Variants in RALGAPA1 observed in about 807,000 individuals in gnomAD.
RALGAPA1 encodes the protein Ral GTPase activating protein catalytic subunit alpha 1.
Under a neutral mutation model 269.6 loss-of-function variants are expected in RALGAPA1, and 52 were observed. The ratio of observed to expected loss-of-function variants is 0.19; its 90% confidence interval spans 0.15 to 0.24. The LOEUF is 0.24. RALGAPA1 is among the 10% of genes least tolerant of loss of function. RALGAPA1 has a pLI of 1.00. For synonymous variants in RALGAPA1, 817 were observed against 1,008.3 expected (o/e 0.81, Z 3.60); for missense variants, 1,917 against 3,013.9 (o/e 0.64, Z 8.52).
chr14:35,742,792 CTAAA>C (rs1266845949), intron 10 of RALGAPA1, among the ~76,000 whole-genome samples: 5 of 150,234 alleles, frequency 3.3e-5, no homozygotes, highest in African/African-American at 9.8e-5. Context: ...CACCAAACTT[CTAAA>C]TAGAGACCAC....
At chr14:35,738,476 T>C (rs1363996110) in intron 12 of RALGAPA1, 37 bp downstream of exon 12, 2 of 1,475,146 alleles carry the variant, frequency 1.4e-6, no homozygotes, top group Non-Finnish European at 1.8e-6. Flanking sequence ...TATTTAATGA[T>C]TATTTTATTT....
rs1233958353 is a variant in RALGAPA1 at position 35,538,461 on chromosome 14, T to C, written c.*1253A>G. 6.6e-6 allele frequency: 1 copy of C among 152,666 alleles called. No individual in the cohort carries two copies. Among genetic ancestry groups the C allele is most frequent in the Non-Finnish European group, 1.5e-5 (1 of 68,042 alleles). 9.5% of individuals were successfully genotyped at this position (152,666 alleles called of 1,614,324 possible). A position where few individuals can be genotyped will look rare whatever the true frequency, so the allele number is the denominator to read the frequency against. On this transcript the variant is annotated 3_prime_UTR_variant, in exon 42 of 42. Coordinates refer to ENST00000680220, the MANE Select transcript of RALGAPA1 (RefSeq NM_001346249.2). ...TACATGAATGATGATACATAATTTA[T>C]ATTTTACGGTTTGCCAGTATGATGT...
intron 39 of RALGAPA1, among the ~76,000 whole-genome samples, chr14:35,566,884 T>TA (rs2056758883): frequency 7.0e-6 from 1 of 143,140 alleles, no homozygotes; most frequent in African/African-American, 2.7e-5. Context: ...TATATATATA[T>TA]TTGTACTATA....
chr14:35,742,895 C>T (rs936088436), intron 10 of RALGAPA1, among the ~76,000 whole-genome samples: 2 of 151,934 alleles, frequency 1.3e-5, no homozygotes, highest in African/African-American at 4.8e-5. Flanking sequence ...AATTAATTAC[C>T]CAAATATTCT....
chr14:35,624,553 T>C (rs1253881843), intron 35 of RALGAPA1, among the ~76,000 whole-genome samples: 1 of 151,114 alleles, frequency 6.6e-6, no homozygotes. Context: ...TTGAAGACGA[T>C]CCTGAAGCAG....
In RALGAPA1 at chr14:35,627,347, T is replaced by C; in HGVS notation, c.6600A>G (p.Glu2200=). Residue 2200 remains glutamate, a synonymous_variant, in exon 34 of 42, where the codon GAA becomes GAG. Transcript: ENST00000680220. ...GTGAGATTCCAGTTCTCTGTAAGCA[T>C]TCAGGACTAGTAACACCCAAATACT... The part of the protein sequence containing the change: ...LLQYLGVTSP[E]CLQRTGISLN... 1 of 1,613,550 alleles carries C rather than the reference T, an allele frequency of 6.2e-7. No homozygotes were observed. Among genetic ancestry groups the C allele is most frequent in the Non-Finnish European group, 8.5e-7 (1 of 1,179,908 alleles).
intron 1 of RALGAPA1, among the ~76,000 whole-genome samples, chr14:35,785,828 G>A (rs1003989853): frequency 4.2e-4 from 64 of 152,272 alleles, no homozygotes; most frequent in African/African-American, 1.5e-3. Flanking sequence ...ATAACAGTCA[G>A]TAAACTAGTA....
At chr14:35,770,130 C>G (rs997581129) in intron 4 of RALGAPA1, among the ~76,000 whole-genome samples, 11 of 152,016 alleles carry the variant, frequency 7.2e-5, no homozygotes, top group Non-Finnish European at 1.5e-4. Flanking sequence ...TAGTAAAATA[C>G]ATAATATTAA....
chr14:35,714,093 TA>T (rs1269103441), intron 16 of RALGAPA1, among the ~76,000 whole-genome samples: 1,690 of 130,054 alleles, frequency 0.013, 9 homozygotes, highest in African/African-American at 0.032. Context: ...AGACTCCGTC[TA>T]AAAAAAAAAA....
intron 26 of RALGAPA1, 89 bp downstream of exon 26, chr14:35,671,300 C>G: frequency 8.2e-7 from 1 of 1,221,964 alleles, no homozygotes; most frequent in Non-Finnish European, 1.1e-6. Context: ...GCAAAATTTC[C>G]TGATTATCAG....
chr14:35,594,711 C>T (rs1176009049), intron 37 of RALGAPA1, among the ~76,000 whole-genome samples: 1 of 138,398 alleles, frequency 7.2e-6, no homozygotes, highest in Non-Finnish European at 1.5e-5. Flanking sequence ...GTAGACTGTA[C>T]AGCAATTATG....
At chr14:35,796,934 C>T (rs1478107970) in intron 1 of RALGAPA1, among the ~76,000 whole-genome samples, 1 of 151,940 alleles carries the variant, frequency 6.6e-6, no homozygotes, top group Non-Finnish European at 1.5e-5. Flanking sequence ...ACTACAGGCG[C>T]GTGCCACCAC....
chr14:35,775,150 G>A, intron 2 of RALGAPA1, 95 bp from the exon 3 acceptor site: 1 of 715,608 alleles, frequency 1.4e-6, no homozygotes, highest in South Asian at 1.8e-5. Context: ...TTTTTTCCCA[G>A]CAATTATTTA....
At chr14:35,788,266 T>G (rs755147386) in intron 1 of RALGAPA1, among the ~76,000 whole-genome samples, 1 of 152,160 alleles carries the variant, frequency 6.6e-6, no homozygotes, top group Non-Finnish European at 1.5e-5. Context: ...CCACTGCACC[T>G]GGTACTCAGT....
At chr14:35,739,916 A>G (rs1261413692) in intron 11 of RALGAPA1, among the ~76,000 whole-genome samples, 1 of 152,098 alleles carries the variant, frequency 6.6e-6, no homozygotes, top group Non-Finnish European at 1.5e-5. Flanking sequence ...ATGTAATTAA[A>G]GCCTACTAAC....
At chr14:35,792,697 T>C (rs1430900979) in intron 1 of RALGAPA1, among the ~76,000 whole-genome samples, 2 of 149,196 alleles carry the variant, frequency 1.3e-5, no homozygotes, top group African/African-American at 4.9e-5. Context: ...ACATAAGAAT[T>C]GCTTGAACCC....
At chr14:35,624,192 T>A (rs2060843298) in intron 35 of RALGAPA1, among the ~76,000 whole-genome samples, 7 of 125,498 alleles carry the variant, frequency 5.6e-5, no homozygotes, top group East Asian at 5.1e-4. Flanking sequence ...GTAATATCCC[T>A]ATGATTCCAG....
chr14:35,548,934 T>C (rs2054709375), intron 40 of RALGAPA1, among the ~76,000 whole-genome samples, 176 bp downstream of exon 40: 1 of 152,168 alleles, frequency 6.6e-6, no homozygotes, highest in African/African-American at 2.4e-5. Flanking sequence ...TTTAAGGAAC[T>C]GCATTTAGGT....
intron 16 of RALGAPA1, among the ~76,000 whole-genome samples, chr14:35,705,123 T>G (rs2067690644): frequency 6.6e-6 from 1 of 152,180 alleles, no homozygotes; most frequent in African/African-American, 2.4e-5. Flanking sequence ...CATCTTGTAT[T>G]AGCATGGTAC....
Sources: allele counts gnomAD v4.1 joint callset (sites outside exome capture counted in the v4.1 genomes callset), GRCh38; gene constraint gnomAD v4.1.1; transcripts MANE v1.5; gene names NCBI Gene and HGNC (gene_info 2026-07-23, HGNC 2026-07-21).